TENM3: variants seen among roughly 807,000 people sequenced by gnomAD.
TENM3 encodes teneurin transmembrane protein 3, also known as teneurin-3.
TENM3 carries 63 observed loss-of-function variants against 255.1 expected under a neutral mutation model. That is an observed-to-expected ratio of 0.25 (90% CI 0.20 to 0.30). The LOEUF is 0.30. Among genes scored for constraint, TENM3 ranks in the 10% least tolerant of loss-of-function variants. TENM3 has a pLI of 1.00. For missense variants in TENM3, 2,929 were observed against 3,461.1 expected, an observed-to-expected ratio of 0.85 and a Z score of 3.86; for synonymous variants, 1,306 against 1,322.3, an observed-to-expected ratio of 0.99 and a Z score of 0.27.
chr4:182,440,135 CG>C (rs1772352419), intron 3 of TENM3, among the ~76,000 whole-genome samples: 1 of 78,806 alleles, frequency 1.3e-5, no homozygotes. Flanking sequence ...TTTTTTTTGA[CG>C]GAGTCTCGCT....
chr4:182,578,185 C>T (rs1301127255), intron 3 of TENM3, among the ~76,000 whole-genome samples: 1 of 152,100 alleles, frequency 6.6e-6, no homozygotes, highest in African/African-American at 2.4e-5. Flanking sequence ...CCATATTGGC[C>T]AGGCTGGTCT....
At chr4:181,686,200 A>G in the TENM3 span, among the ~76,000 whole-genome samples, 3 of 152,174 alleles carry the variant, frequency 2.0e-5, no homozygotes, top group African/African-American at 7.2e-5. Context: ...ATACCAATCC[A>G]TGCTACCCAG....
At chr4:182,421,936 G>C (rs1373389813) in intron 3 of TENM3, among the ~76,000 whole-genome samples, 1 of 152,174 alleles carries the variant, frequency 6.6e-6, no homozygotes, top group African/African-American at 2.4e-5. Flanking sequence ...GTCAAGTCCC[G>C]GGGCCAGCTT....
chr4:182,300,078 G>T (rs1440235863), intron 1 of TENM3, among the ~76,000 whole-genome samples: 2 of 152,032 alleles, frequency 1.3e-5, no homozygotes, highest in Non-Finnish European at 2.9e-5. Flanking sequence ...GCCACGCCTG[G>T]CTAATTTCTG....
chr4:182,219,993 G>A (rs554716664), intron 1 of TENM3, among the ~76,000 whole-genome samples: 5 of 152,124 alleles, frequency 3.3e-5, no homozygotes. Flanking sequence ...CAGGTCAACC[G>A]TAAGTCTGGC....
the TENM3 span, among the ~76,000 whole-genome samples, chr4:182,102,109 A>G: frequency 6.6e-6 from 1 of 152,212 alleles, no homozygotes; most frequent in African/African-American, 2.4e-5. Flanking sequence ...ATGAACTCAG[A>G]TGGCTACAAC....
At chr4:182,649,855 C>G (rs1369577022) in intron 5 of TENM3, among the ~76,000 whole-genome samples, 1 of 150,310 alleles carries the variant, frequency 6.7e-6, no homozygotes, top group Non-Finnish European at 1.5e-5. Flanking sequence ...GTGGCCCCCA[C>G]ACAAGCTGTG....
Position 182,512,935 on chromosome 4 carries a change from G to C in TENM3, c.512-87989G>C, listed in dbSNP as rs189413813. Among the ~76,000 whole-genome samples the C allele has an allele frequency of 3.3e-3, 503 of 152,268 alleles. 9 individuals are homozygous for C. The highest frequency in any genetic ancestry group is 0.025 in the Admixed American group (389 of 15,292). On this transcript the variant is annotated intron_variant, in intron 3 of 27. Coordinates refer to ENST00000511685, the MANE Select transcript of TENM3 (RefSeq NM_001080477.4). Reference sequence around the variant, plus strand: ...CTGGTACTGTTTTAGCACATAAGAAGTGTCAGTAAATATTGAATGAATTTT... The same window carrying C: ...CTGGTACTGTTTTAGCACATAAGAACTGTCAGTAAATATTGAATGAATTTT...
chr4:182,057,408 C>CTT, the TENM3 span, among the ~76,000 whole-genome samples: 55 of 132,532 alleles, frequency 4.1e-4, no homozygotes, highest in Admixed American at 8.5e-4. Flanking sequence ...CTTTTCTTTT[C>CTT]TTTTTTTTTT....
the TENM3 span, among the ~76,000 whole-genome samples, chr4:181,853,757 A>G: frequency 2.6e-5 from 4 of 152,314 alleles, no homozygotes; most frequent in Non-Finnish European, 5.9e-5. Context: ...ACTGGGGGAA[A>G]AAACGGTCCC....
the TENM3 span, among the ~76,000 whole-genome samples, chr4:182,009,720 A>G: frequency 4.6e-5 from 7 of 152,056 alleles, no homozygotes; most frequent in Non-Finnish European, 1.5e-5. Flanking sequence ...CCAGGCAGCC[A>G]CAGCTGGTGC....
At chr4:182,263,970 C>A (rs1759058474) in intron 1 of TENM3, among the ~76,000 whole-genome samples, 2 of 152,176 alleles carry the variant, frequency 1.3e-5, no homozygotes, top group Admixed American at 6.5e-5. Context: ...CGGCTTGGCC[C>A]CCAGGGCGAT....
rs766829379 is a variant in TENM3, at chr4:182,391,774, G to C, written c.511+44845G>C. Among the ~76,000 whole-genome samples the C allele has an allele frequency of 2.6e-5, 4 of 152,044 alleles. No individual in the cohort carries two copies. In the South Asian group the frequency reaches 8.3e-4, roughly 31 times the overall value. On this transcript the variant is annotated intron_variant, in intron 3 of 27. Transcript: ENST00000511685. ...ATTGGCACTGGCCTGCATAAAGTTG[G>C]TACTTAAAAATGTTTATTGACTAAC...
At chr4:182,735,422 G>A (rs1437513968) in intron 16 of TENM3, among the ~76,000 whole-genome samples, 1 of 152,142 alleles carries the variant, frequency 6.6e-6, no homozygotes, top group Non-Finnish European at 1.5e-5. Flanking sequence ...TCCACCCTCA[G>A]TACAAGGGGT....
At chr4:181,564,340 A>C in the TENM3 span, among the ~76,000 whole-genome samples, 4 of 152,134 alleles carry the variant, frequency 2.6e-5, no homozygotes, top group African/African-American at 4.8e-5. Flanking sequence ...TAACTTATGA[A>C]GCGGGCACTG....
chr4:182,094,643 A>G, the TENM3 span, among the ~76,000 whole-genome samples: 17 of 152,350 alleles, frequency 1.1e-4, no homozygotes, highest in African/African-American at 3.8e-4. Flanking sequence ...TTATGATAAG[A>G]TGAGAACAAG....
chr4:182,314,800 A>G (rs769323123), intron 1 of TENM3, among the ~76,000 whole-genome samples: 3 of 152,182 alleles, frequency 2.0e-5, no homozygotes, highest in Admixed American at 6.5e-5. Flanking sequence ...TAAGTCTATC[A>G]TCTTGCTATT....
intron 3 of TENM3, among the ~76,000 whole-genome samples, chr4:182,449,274 CGCGGGTTTGAATCGGT>C (rs1300749587): frequency 5.0e-5 from 3 of 59,880 alleles, no homozygotes; most frequent in Admixed American, 1.8e-4. Flanking sequence ...GGAGGCTCGG[CGCGGGTTTGAATCGGT>C]GCGGAGGCAA....
the TENM3 span, among the ~76,000 whole-genome samples, chr4:181,527,424 A>G: frequency 3.3e-5 from 5 of 152,038 alleles, no homozygotes; most frequent in Admixed American, 2.6e-4. Context: ...GCTGGAGTGC[A>G]GTGGCTTGAT....
Sources: allele counts gnomAD v4.1 joint callset (sites outside exome capture counted in the v4.1 genomes callset), GRCh38; gene constraint gnomAD v4.1.1; transcripts MANE v1.5; gene names NCBI Gene and HGNC (gene_info 2026-07-23, HGNC 2026-07-21).